Variants in TMEM233 observed in about 807,000 individuals in gnomAD.
TMEM233 encodes dispanin subfamily B member 2.
A neutral mutation model predicts 11.2 loss-of-function variants in TMEM233; 6 were observed. That is an observed-to-expected ratio of 0.54 (90% CI 0.29 to 1.06). The LOEUF (loss-of-function observed/expected upper bound fraction) is 1.06, where lower values mean the gene tolerates loss of function less well. TMEM233 is among the 50% of genes least tolerant of loss of function. TMEM233 has a pLI of 0.08. For missense variants in TMEM233, 127 were observed against 144.7 expected (o/e 0.88, Z 0.63); for synonymous variants, 59 against 55.8 (o/e 1.06, Z -0.26).
At chr12:119,629,584 G>T (rs929005899) in intron 1 of TMEM233, among the ~76,000 whole-genome samples, 152 bp from the exon 2 acceptor site, 2 of 152,150 alleles carry the variant, frequency 1.3e-5, no homozygotes, top group Non-Finnish European at 2.9e-5. Context: ...TGGAGGAGGG[G>T]ATGACTGTGT....
At chr12:119,630,377 G>T (rs889848025) in intron 2 of TMEM233, among the ~76,000 whole-genome samples, 1 of 152,214 alleles carries the variant, frequency 6.6e-6, no homozygotes, top group African/African-American at 2.4e-5. Flanking sequence ...GCACCATCTT[G>T]TAGCTGCTCT....
intron 2 of TMEM233, chr12:119,631,788 AC>A (rs1954892381): frequency 5.5e-6 from 2 of 362,534 alleles, no homozygotes; most frequent in Non-Finnish European, 7.7e-6. Context: ...CAGTTTCCTC[AC>A]CTGTAAAATG....
chr12:119,606,889 A>G (rs75586184), intron 1 of TMEM233, among the ~76,000 whole-genome samples: 2,231 of 152,330 alleles, frequency 0.015, 63 homozygotes, highest in African/African-American at 0.051. Flanking sequence ...ATAATAATCC[A>G]TCTATTTATA....
In TMEM233 at chr12:119,594,761, A is replaced by G. The variant is rs570362373; in HGVS notation, c.186+727A>G. Among the ~76,000 whole-genome samples the G allele has an allele frequency of 2.9e-4, 43 of 149,560 alleles. No homozygotes were observed. Among genetic ancestry groups the G allele is most frequent in the African/African-American group, 8.9e-4 (36 of 40,546 alleles). On this transcript the variant is annotated intron_variant, in intron 1 of 2. Transcript: ENST00000426426. The surrounding 1 kb of genome is among the most constrained non-coding windows in gnomAD (Gnocchi z 5.6). ...CGCCCGAGGCTGGCTCACACCCACT[A>G]CCTCTTTAGGCCTTTCTTAGGCTCC...
intron 1 of TMEM233, among the ~76,000 whole-genome samples, chr12:119,596,106 C>T: frequency 6.6e-6 from 1 of 152,216 alleles, no homozygotes; most frequent in East Asian, 1.9e-4. Context: ...AATTTCCTCC[C>T]TTCCTTCCTC....
rs1207973614 is a variant in TMEM233 at position 119,595,342 on chromosome 12, T to C, written c.186+1308T>C. On this transcript the variant is annotated intron_variant, in intron 1 of 2. Transcript: ENST00000426426. This position sits in a 1 kb window ranked among gnomAD's most constrained non-coding sequence, Gnocchi z 4.3. Reference sequence around the variant, plus strand: ...CCTGATTCAGCGCTGTGAAAATCGCTAGCCACCCGTCCCCCATCAAGTCCG... The same window carrying C: ...CCTGATTCAGCGCTGTGAAAATCGCCAGCCACCCGTCCCCCATCAAGTCCG... 6.6e-6 allele frequency among the ~76,000 whole-genome samples: 1 copy of C among 152,178 alleles called. No individual in the cohort carries two copies. The highest frequency in any genetic ancestry group is 1.5e-5 in the Non-Finnish European group (1 of 68,022).
At chr12:119,599,165 C>T (rs115455795) in intron 1 of TMEM233, among the ~76,000 whole-genome samples, 205 of 152,214 alleles carry the variant, frequency 1.3e-3, no homozygotes, top group African/African-American at 4.5e-3. Context: ...ATTGAACATA[C>T]CTGTTTTGCT....
chr12:119,600,478 G>A (rs1322387170), intron 1 of TMEM233, among the ~76,000 whole-genome samples: 3 of 151,848 alleles, frequency 2.0e-5, no homozygotes, highest in Non-Finnish European at 2.9e-5. Flanking sequence ...TGTTGAGGGA[G>A]GCTGGAGGCT....
At chr12:119,621,283 C>T (rs1469552377) in intron 1 of TMEM233, among the ~76,000 whole-genome samples, 5 of 152,102 alleles carry the variant, frequency 3.3e-5, no homozygotes, top group Non-Finnish European at 7.4e-5. Context: ...CACGTGATCC[C>T]CTGCCTTGGC....
intron 2 of TMEM233, chr12:119,631,508 C>T (rs1393061255): frequency 9.1e-6 from 9 of 985,330 alleles, no homozygotes; most frequent in African/African-American, 1.7e-5. Context: ...AAAGGACACT[C>T]AAACATGAAA....
chr12:119,633,865 C>A (rs1390448936), intron 2 of TMEM233, among the ~76,000 whole-genome samples: 2 of 152,138 alleles, frequency 1.3e-5, no homozygotes, highest in East Asian at 1.9e-4. Context: ...ATAAGAGTTA[C>A]CTGGAGAGGT....
chr12:119,631,724 T>A (rs1954890726), intron 2 of TMEM233: 1 of 921,370 alleles, frequency 1.1e-6, no homozygotes, highest in African/African-American at 1.8e-5. Flanking sequence ...CAGGTCCCAG[T>A]CACCACTTAT....
At chr12:119,623,553 CAAA>C (rs57936432) in intron 1 of TMEM233, among the ~76,000 whole-genome samples, 14 of 135,708 alleles carry the variant, frequency 1.0e-4, no homozygotes, top group Non-Finnish European at 9.4e-5. Flanking sequence ...ACCAAAAATA[CAAA>C]AAAAAAAAAA....
chr12:119,601,484 G>C (rs1406495769), intron 1 of TMEM233, among the ~76,000 whole-genome samples: 1 of 151,820 alleles, frequency 6.6e-6, no homozygotes, highest in Non-Finnish European at 1.5e-5. Flanking sequence ...GTGAAACCCT[G>C]TCTCTACTAA....
At chr12:119,631,489 TAAA>T in intron 2 of TMEM233, 1 of 985,258 alleles carries the variant, frequency 1.0e-6, no homozygotes, top group Non-Finnish European at 1.2e-6. Context: ...TTTGGCCAAA[TAAA>T]AGAGAAAAGG....
At chr12:119,646,531 A>G (rs1201990945), downstream of TMEM233, among the ~76,000 whole-genome samples, 2 of 152,244 alleles carry the variant, frequency 1.3e-5, no homozygotes, top group Admixed American at 1.3e-4. Context: ...AAGTTCGTAG[A>G]GAGAATCCCT....
the TMEM233 span, among the ~76,000 whole-genome samples, chr12:119,653,021 C>G: frequency 1.3e-5 from 2 of 152,098 alleles, no homozygotes; most frequent in East Asian, 3.9e-4. Context: ...CCAGTTAAAA[C>G]AAAACTCAAC....
intron 1 of TMEM233, among the ~76,000 whole-genome samples, chr12:119,621,014 G>A (rs923711190): frequency 2.0e-5 from 3 of 150,408 alleles, no homozygotes; most frequent in African/African-American, 7.3e-5. Context: ...CTGAGTAGCT[G>A]GGACTACAGG....
At chr12:119,620,091 G>A (rs1360326647) in intron 1 of TMEM233, among the ~76,000 whole-genome samples, 1 of 152,158 alleles carries the variant, frequency 6.6e-6, no homozygotes, top group African/African-American at 2.4e-5. Flanking sequence ...TGGGTCATGA[G>A]GGAGAGCTGG....
Sources: allele counts gnomAD v4.1 joint callset (sites outside exome capture counted in the v4.1 genomes callset), GRCh38; gene constraint gnomAD v4.1.1; non-coding constraint Gnocchi (gnomAD v3.1); transcripts MANE v1.5; gene names NCBI Gene and HGNC (gene_info 2026-07-23, HGNC 2026-07-21).